PARVA: variants seen among roughly 807,000 people sequenced by gnomAD.
The protein encoded by PARVA is alpha-parvin.
In PARVA, 25 loss-of-function variants were observed where a neutral mutation model predicts 52.6. The ratio of observed to expected loss-of-function variants is 0.48; its 90% CI spans 0.35 to 0.66. PARVA has a LOEUF of 0.66. Ranked by LOEUF, PARVA falls within the 30% of genes least tolerant of loss-of-function variation. PARVA has a pLI of 0.01. For missense variants in PARVA, 373 were observed against 450.9 expected (o/e 0.83, Z 1.56); for synonymous variants, 185 against 179.1 (o/e 1.03, Z -0.26).
intron 1 of PARVA, among the ~76,000 whole-genome samples, chr11:12,460,019 C>T (rs754171192): frequency 2.6e-5 from 4 of 152,192 alleles, no homozygotes; most frequent in Non-Finnish European, 5.9e-5. Flanking sequence ...AGATTATTCT[C>T]CATTAAATTT....
At chr11:12,497,861 TAG>T (rs1236534287) in intron 5 of PARVA, among the ~76,000 whole-genome samples, 9 of 152,166 alleles carry the variant, frequency 5.9e-5, no homozygotes, top group African/African-American at 1.7e-4. Context: ...TCATAAACAT[TAG>T]AGAAGTCCTC....
intron 1 of PARVA, among the ~76,000 whole-genome samples, chr11:12,470,413 A>G (rs1354605595): frequency 2.0e-5 from 3 of 152,228 alleles, no homozygotes; most frequent in Non-Finnish European, 2.9e-5. Flanking sequence ...GAGGTCGGCA[A>G]TATTGCTGTC....
chr11:12,450,958 T>A (rs2135014120), intron 1 of PARVA, among the ~76,000 whole-genome samples: 1 of 152,264 alleles, frequency 6.6e-6, no homozygotes, highest in African/African-American at 2.4e-5. Flanking sequence ...CTCAAAATGT[T>A]AATCTCCTCT....
rs112564187 is a variant in PARVA at position 12,501,106 on chromosome 11, C to CAAA, written c.542-3197_542-3195dup. Reference sequence around the variant, plus strand: ...CTGGGCGACGAGCAAAAATCCATCTCAAAAAAAAAAAAACAATCTTTCCAC... The same window carrying CAAA: ...CTGGGCGACGAGCAAAAATCCATCTCAAAAAAAAAAAAAAAACAATCTTTCCAC... On this transcript the variant is annotated intron_variant, in intron 5 of 12. Coordinates refer to ENST00000334956, the MANE Select transcript of PARVA (RefSeq NM_018222.5). Among the ~76,000 whole-genome samples, 10 of 132,612 alleles carry CAAA rather than the reference C, an allele frequency of 7.5e-5. 1 individual carries two copies. The highest frequency in any genetic ancestry group is 2.5e-4 in the African/African-American group (9 of 36,494). The allele number at this position is 132,612 out of a possible 152,430, so 87.0% of individuals were successfully genotyped here. A position where few individuals can be genotyped will look rare whatever the true frequency, so the allele number is the denominator to read the frequency against.
chr11:12,481,527 C>A (rs1941086980), intron 4 of PARVA, among the ~76,000 whole-genome samples: 1 of 152,034 alleles, frequency 6.6e-6, no homozygotes, highest in African/African-American at 2.4e-5. Flanking sequence ...TCAATCACTT[C>A]TCCAACGAGC....
chr11:12,379,416 A>C (rs1385863503), intron 1 of PARVA, among the ~76,000 whole-genome samples: 12 of 152,172 alleles, frequency 7.9e-5, no homozygotes, highest in Non-Finnish European at 1.6e-4. Flanking sequence ...CATCACGTTA[A>C]AGATTTGTCT....
intron 12 of PARVA, among the ~76,000 whole-genome samples, chr11:12,525,128 A>G (rs1941684525): frequency 6.6e-6 from 1 of 152,210 alleles, no homozygotes; most frequent in Non-Finnish European, 1.5e-5. Context: ...TGAGGGAGGC[A>G]GTGTGGTACC....
At chr11:12,496,005 TG>T (rs1294803110) in intron 4 of PARVA, among the ~76,000 whole-genome samples, 3 of 152,168 alleles carry the variant, frequency 2.0e-5, no homozygotes, top group African/African-American at 7.2e-5. Context: ...ACCTTCCAGG[TG>T]GGTTTAAAAG....
chr11:12,501,628 C>T lies in PARVA; in HGVS notation c.542-2686C>T, dbSNP rs992071611. Among the ~76,000 whole-genome samples, 3 of 152,218 alleles carry T rather than the reference C, an allele frequency of 2.0e-5. No homozygotes were observed. In the East Asian group the frequency reaches 5.8e-4, roughly 29 times the overall value. On this transcript the variant is annotated intron_variant, in intron 5 of 12. Coordinates refer to ENST00000334956, the MANE Select transcript of PARVA (RefSeq NM_018222.5). ...TTCATATTTAAAAGTTTGAAAAATG[C>T]TGATCTAAACCATCCTCTTGTTATT...
chr11:12,378,720 G>A (rs1219878169), intron 1 of PARVA, among the ~76,000 whole-genome samples: 1 of 151,826 alleles, frequency 6.6e-6, no homozygotes, highest in Non-Finnish European at 1.5e-5. Context: ...GATAGAAGTT[G>A]CTGAGTTAAA....
At chr11:12,465,508 C>T (rs1940843047) in intron 1 of PARVA, among the ~76,000 whole-genome samples, 1 of 152,232 alleles carries the variant, frequency 6.6e-6, no homozygotes, top group Non-Finnish European at 1.5e-5. Context: ...AGAACACTTT[C>T]ACTGCCTTAA....
chr11:12,397,079 A>G (rs574071615), intron 1 of PARVA, among the ~76,000 whole-genome samples: 54 of 151,990 alleles, frequency 3.6e-4, no homozygotes, highest in African/African-American at 1.3e-3. Flanking sequence ...TATGTTTCAC[A>G]TGGGGGATTG....
intron 10 of PARVA, among the ~76,000 whole-genome samples, chr11:12,517,303 A>ACCCCCCCCCCCC (rs1564869136): frequency 2.7e-5 from 3 of 112,560 alleles, no homozygotes; most frequent in African/African-American, 1.1e-4. Flanking sequence ...AGCCACACTG[A>ACCCCCCCCCCCC]CCACCCCCCA....
intron 1 of PARVA, among the ~76,000 whole-genome samples, chr11:12,454,576 TAAA>T (rs55992909): frequency 4.9e-5 from 7 of 142,748 alleles, no homozygotes; most frequent in Non-Finnish European, 7.7e-5. Flanking sequence ...AAGTATCATT[TAAA>T]AAAAAAAAAA....
At chr11:12,424,913 CTTGT>C (rs747017751) in intron 1 of PARVA, among the ~76,000 whole-genome samples, 2 of 152,176 alleles carry the variant, frequency 1.3e-5, no homozygotes, top group African/African-American at 2.4e-5. Flanking sequence ...ATAGCTCATA[CTTGT>C]TTGTTTTTGA....
At chr11:12,478,980 G>C (rs539999863) in intron 4 of PARVA, 3 of 152,386 alleles carry the variant, frequency 2.0e-5, no homozygotes, top group Admixed American at 6.5e-5. Flanking sequence ...ACCCCCAGCT[G>C]TCTCCTTGGT....
chr11:12,493,268 A>G (rs1941254653), intron 4 of PARVA, among the ~76,000 whole-genome samples: 1 of 151,980 alleles, frequency 6.6e-6, no homozygotes, highest in Non-Finnish European at 1.5e-5. Flanking sequence ...AGACAGGAGA[A>G]TCACTTGAAC....
chr11:12,418,564 C>A (rs940701948), intron 1 of PARVA, among the ~76,000 whole-genome samples: 5 of 152,150 alleles, frequency 3.3e-5, no homozygotes, highest in African/African-American at 7.2e-5. Context: ...GCCACAGCCT[C>A]CCCCACCCAG....
intron 4 of PARVA, among the ~76,000 whole-genome samples, chr11:12,484,642 T>G (rs1941134359): frequency 6.6e-6 from 1 of 151,926 alleles, no homozygotes; most frequent in Non-Finnish European, 1.5e-5. Flanking sequence ...AACCATTTGG[T>G]GTGCTATATG....
Sources: allele counts gnomAD v4.1 joint callset (sites outside exome capture counted in the v4.1 genomes callset), GRCh38; gene constraint gnomAD v4.1.1; transcripts MANE v1.5; gene names NCBI Gene and HGNC (gene_info 2026-07-23, HGNC 2026-07-21).